PUS1: variants seen among roughly 807,000 people sequenced by gnomAD.
PUS1 encodes pseudouridylate synthase 1 homolog.
Under a neutral mutation model 38.5 loss-of-function variants are expected in PUS1, and 25 were observed. That is an observed-to-expected ratio of 0.65 (90% CI 0.47 to 0.91). PUS1 has a LOEUF of 0.91. Ranked by LOEUF, PUS1 falls within the 40% of genes least tolerant of loss-of-function variation. PUS1 has a pLI of 0.00. For synonymous variants in PUS1, 282 were observed against 260.4 expected, an observed-to-expected ratio of 1.08 and a Z score of -0.80; for missense variants, 597 against 612.3, an observed-to-expected ratio of 0.97 and a Z score of 0.26.
rs534849697 is a variant in PUS1, at chr12:131,945,006, C to T, written c.*1420C>T. The stretch of plus-strand genomic sequence containing the variant: ...CAGCGGAGGAAGTGCCGTGCATACA[C>T]GTGGCCTCCCAGCCTGCAGCCCGTG... On this transcript the variant is annotated 3_prime_UTR_variant, in exon 6 of 6. Coordinates refer to ENST00000376649, the MANE Select transcript of PUS1 (RefSeq NM_025215.6). 59 of 152,412 alleles carry T rather than the reference C, an allele frequency of 3.9e-4. 1 individual carries two copies. The highest frequency in any genetic ancestry group is 1.3e-3 in the African/African-American group (54 of 41,598). The allele number at this position is 152,412 out of a possible 1,614,324, so 9.4% of individuals were successfully genotyped here. A position where few individuals can be genotyped will look rare whatever the true frequency, so the allele number is the denominator to read the frequency against.
Position 131,932,285 on chromosome 12 carries a change from C to T in PUS1, c.414C>T (p.Ser138=), listed in dbSNP as rs1813426143. 1 of 1,613,874 alleles carries T rather than the reference C, an allele frequency of 6.2e-7. No homozygotes were observed. The highest frequency in any genetic ancestry group is 8.5e-7 in the Non-Finnish European group (1 of 1,180,006). ...ENHGEDMRKM[S]FQRCARTDKG... ...ATGGTGAGGACATGAGGAAAATGTC[C>T]TTCCAGCGCTGCGCCCGGACAGACA... The change falls in exon 3 of 6, where the codon TCC becomes TCT. Residue 138 remains serine (S), a synonymous_variant. Transcript: ENST00000376649.
intron 3 of PUS1, chr12:131,932,887 C>T (rs1466739740): frequency 1.2e-5 from 5 of 427,112 alleles, no homozygotes; most frequent in Non-Finnish European, 2.3e-5. Flanking sequence ...CAAGATTGGG[C>T]AGTTTATAAA....
chr12:131,941,769 A>G lies in PUS1; in HGVS notation c.1022A>G (p.Glu341Gly). 1 of 1,613,744 alleles carries G rather than the reference A, an allele frequency of 6.2e-7. No homozygotes were observed. Among genetic ancestry groups the G allele is most frequent in the South Asian group, 1.1e-5 (1 of 91,076 alleles). Reference sequence around the variant, plus strand: ...CTGGTCCTGGAGAGGGTGCACTTCGAGAAGTACAACCAGCGCTTTGGCAAC... The same window carrying G: ...CTGGTCCTGGAGAGGGTGCACTTCGGGAAGTACAACCAGCGCTTTGGCAAC... Reference protein sequence around the residue: ...LGLVLERVHFEKYNQRFGNDG... With the variant: ...LGLVLERVHFGKYNQRFGNDG... Residue 341 changes from glutamate to glycine, a missense_variant, in exon 5 of 6, where the codon GAG (glutamate) becomes GGG (glycine). Physicochemically the swap from Glu to Gly is moderately conservative, Grantham distance 98 (BLOSUM62 -2). Coordinates refer to ENST00000376649, the MANE Select transcript of PUS1 (RefSeq NM_025215.6). This position sits in a 1 kb window ranked among gnomAD's most constrained non-coding sequence, Gnocchi z 4.4.
At chr12:131,933,195 A>T (rs923225212) in intron 3 of PUS1, among the ~76,000 whole-genome samples, 77 of 135,796 alleles carry the variant, frequency 5.7e-4, no homozygotes, top group African/African-American at 2.1e-3. Context: ...GCCTGGCTAA[A>T]TTTTTTTTTT....
intron 5 of PUS1, among the ~76,000 whole-genome samples, chr12:131,943,003 G>A (rs997295038): frequency 1.1e-4 from 17 of 152,248 alleles, no homozygotes; most frequent in African/African-American, 3.9e-4. Flanking sequence ...GGGGGTACTC[G>A]TGGCTCAGTG....
chr12:131,929,540 C>G lies in PUS1; in HGVS notation c.-183C>G. 1 of 528,134 alleles carries G rather than the reference C, an allele frequency of 1.9e-6. No individual in the cohort carries two copies. Among genetic ancestry groups the G allele is most frequent in the Non-Finnish European group, 3.3e-6 (1 of 305,206 alleles). The allele number at this position is 528,134 out of a possible 1,614,324, so 32.7% of individuals were successfully genotyped here. A position where few individuals can be genotyped will look rare whatever the true frequency, so the allele number is the denominator to read the frequency against. On this transcript the variant is annotated 5_prime_UTR_variant, in exon 1 of 6. Coordinates refer to ENST00000376649, the MANE Select transcript of PUS1 (RefSeq NM_025215.6). ...AGGAGTGAGGCTGGGGCGTCCAGGT[C>G]CGAGAGGTCAGGGGTCAGCTGGAGA...
At position 131,929,530 on chromosome 12, in the gene PUS1, G is replaced by C. The variant is rs955272039; in HGVS notation, c.-193G>C. 46 of 515,304 alleles carry C rather than the reference G, an allele frequency of 8.9e-5. No individual in the cohort carries two copies. The highest frequency in any genetic ancestry group is 8.9e-4 in the African/African-American group (44 of 49,398). The allele number at this position is 515,304 out of a possible 1,614,324, so 31.9% of individuals were successfully genotyped here. On this transcript the variant is annotated 5_prime_UTR_variant, in exon 1 of 6. Transcript: ENST00000376649. ...AGGGGTCAGCAGGAGTGAGGCTGGG[G>C]CGTCCAGGTCCGAGAGGTCAGGGGT...
At chr12:131,929,872 G>T (rs535306201) in intron 1 of PUS1, 35 bp from the exon 2 acceptor site, 1 of 1,141,180 alleles carries the variant, frequency 8.8e-7, no homozygotes, top group South Asian at 1.4e-5. Flanking sequence ...GCGCGGTGCC[G>T]AGCGGGCCCC....
Position 131,944,944 on chromosome 12 carries a change from C to T in PUS1, c.*1358C>T, listed in dbSNP as rs1421054087. Reference sequence around the variant, plus strand: ...CTGCGTTAGCCAGGAGCAGGGGATCCTTGGCTGGCGGGCTGCCAGGAGCCC... The same window carrying T: ...CTGCGTTAGCCAGGAGCAGGGGATCTTTGGCTGGCGGGCTGCCAGGAGCCC... On this transcript the variant is annotated 3_prime_UTR_variant, in exon 6 of 6. Coordinates refer to ENST00000376649, the MANE Select transcript of PUS1 (RefSeq NM_025215.6). 6.6e-6 allele frequency: 1 copy of T among 152,318 alleles called. No individual in the cohort carries two copies. Among genetic ancestry groups the T allele is most frequent in the Non-Finnish European group, 1.5e-5 (1 of 68,076 alleles). The allele number at this position is 152,318 out of a possible 1,614,324, so 9.4% of individuals were successfully genotyped here.
chr12:131,931,711 A>G (rs778039030), intron 2 of PUS1: 53 of 199,980 alleles, frequency 2.7e-4, no homozygotes, highest in Non-Finnish European at 4.9e-4. Context: ...TTGTATTTTT[A>G]GTAGAGACAG....
intron 2 of PUS1, among the ~76,000 whole-genome samples, chr12:131,930,994 T>A (rs1358469292): frequency 6.6e-6 from 1 of 152,188 alleles, no homozygotes; most frequent in Non-Finnish European, 1.5e-5. Context: ...CTTTTTGTAG[T>A]TACCACTGTG....
At position 131,939,357 on chromosome 12, in the gene PUS1, T is replaced by G. The variant is rs1264732088; in HGVS notation, c.544+82T>G. The stretch of plus-strand genomic sequence containing the variant: ...ACGAGGCTATGCATGCTCCTGCCTT[T>G]TCCAACTGTCTCTGATGCAGAAGCG... On this transcript the variant is annotated intron_variant, in intron 4 of 5. Coordinates refer to ENST00000376649, the MANE Select transcript of PUS1 (RefSeq NM_025215.6). 6 of 916,512 alleles carry G rather than the reference T, an allele frequency of 6.5e-6. No homozygotes were observed. The East Asian group carries it at 1.6e-4, about 24-fold the overall frequency. 56.8% of individuals were successfully genotyped at this position (916,512 alleles called of 1,614,324 possible).
At chr12:131,934,147 C>T (rs1406710860) in intron 3 of PUS1, among the ~76,000 whole-genome samples, 4 of 152,242 alleles carry the variant, frequency 2.6e-5, no homozygotes, top group Non-Finnish European at 4.4e-5. Flanking sequence ...AACTGAAAAG[C>T]AGGAGCCAGG....
rs747391688 is a variant in PUS1, at chr12:131,930,149, G to A, written c.303+14G>A. On this transcript the variant is annotated intron_variant, in intron 2 of 5. Coordinates refer to ENST00000376649, the MANE Select transcript of PUS1 (RefSeq NM_025215.6). ...CACGGCATGCAGGTGTGGCCGCCCG[G>A]GAAGCGGCAGGTCCCGCGGGGTTTA... The A allele has an allele frequency of 7.1e-7, 1 of 1,412,444 alleles. No individual in the cohort carries two copies. The highest frequency in any genetic ancestry group is 1.7e-5 in the South Asian group (1 of 59,944). The allele number at this position is 1,412,444 out of a possible 1,614,324, so 87.5% of individuals were successfully genotyped here.
chr12:131,932,440 C>T (rs1007554988), intron 3 of PUS1, 128 bp downstream of exon 3: 14 of 1,151,830 alleles, frequency 1.2e-5, no homozygotes, highest in East Asian at 5.1e-5. Context: ...AACTAGCCTA[C>T]GCCTTATGTA....
intron 4 of PUS1, 107 bp downstream of exon 4, chr12:131,939,382 G>A (rs140201887): frequency 2.7e-5 from 21 of 783,632 alleles, no homozygotes; most frequent in African/African-American, 1.2e-4. Flanking sequence ...ATGCAGAAGC[G>A]TAGTCAGAGT....
chr12:131,941,564 G>T lies in PUS1; in HGVS notation c.817G>T (p.Val273Leu), dbSNP rs1187364009. The T allele has an allele frequency of 3.7e-6, 6 of 1,614,096 alleles. No individual in the cohort carries two copies. In the African/African-American group the frequency reaches 8.0e-5, roughly 22 times the overall value. ...GGAGATGTACTGCGAGGAACCCTTT[G>T]TGCGGGAGGGCCTGGAGTTTGCGGT... is the stretch of plus-strand genomic sequence containing the variant. The part of the protein sequence containing the change: ...ILEMYCEEPF[V>L]REGLEFAVIR... The change falls in exon 5 of 6, where the codon GTG becomes TTG. Residue 273 changes from valine to leucine, a missense_variant. Physicochemically the swap from Val to Leu is conservative, Grantham distance 32. Coordinates refer to ENST00000376649, the MANE Select transcript of PUS1 (RefSeq NM_025215.6). The surrounding 1 kb of genome is among the most constrained non-coding windows in gnomAD (Gnocchi z 4.4).
chr12:131,943,510 C>T, intron 5 of PUS1, 29 bp from the exon 6 acceptor site: 2 of 1,605,842 alleles, frequency 1.2e-6, no homozygotes, highest in Non-Finnish European at 1.7e-6. Context: ...GTGCTTGCCT[C>T]TTATTCTCCA....
intron 3 of PUS1, among the ~76,000 whole-genome samples, chr12:131,935,690 C>T (rs537539781): frequency 2.8e-4 from 43 of 152,038 alleles, no homozygotes; most frequent in Admixed American, 2.3e-3. Context: ...TGCGTCACCA[C>T]GCCCGGCTGA....
Sources: allele counts gnomAD v4.1 joint callset (sites outside exome capture counted in the v4.1 genomes callset), GRCh38; gene constraint gnomAD v4.1.1; non-coding constraint Gnocchi (gnomAD v3.1); transcripts MANE v1.5; gene names NCBI Gene and HGNC (gene_info 2026-07-23, HGNC 2026-07-21).